MGAT5: variants seen among roughly 807,000 people sequenced by gnomAD.
MGAT5 encodes the protein alpha-1,6-mannosylglycoprotein 6-beta-N-acetylglucosaminyltransferase A.
A neutral mutation model predicts 94.3 loss-of-function variants in MGAT5; 30 were observed. That is an observed-to-expected ratio of 0.32 (90% confidence interval 0.24 to 0.43). The LOEUF (loss-of-function observed/expected upper bound fraction) is 0.43. MGAT5 is among the 20% of genes least tolerant of loss of function. The pLI, the probability that MGAT5 is intolerant of heterozygous loss-of-function variation, is 1.00. For missense variants in MGAT5, 691 were observed against 905.5 expected (o/e 0.76, Z 3.04); for synonymous variants, 310 against 322.9 (o/e 0.96, Z 0.43).
At chr2:134,218,375 C>T (rs1409516498) in intron 1 of MGAT5, among the ~76,000 whole-genome samples, 1 of 152,206 alleles carries the variant, frequency 6.6e-6, no homozygotes, top group East Asian at 1.9e-4. Context: ...AACTTAATGG[C>T]TTAAAACAGT....
chr2:134,385,503 T>C (rs1366257371), intron 10 of MGAT5, among the ~76,000 whole-genome samples: 1 of 152,216 alleles, frequency 6.6e-6, no homozygotes, highest in East Asian at 1.9e-4. Flanking sequence ...TAATCCTTCT[T>C]GTGCCATCAA....
chr2:134,387,267 AAAAAAT>A (rs996693391), intron 10 of MGAT5, among the ~76,000 whole-genome samples: 6 of 143,936 alleles, frequency 4.2e-5, no homozygotes, highest in Admixed American at 1.4e-4. Flanking sequence ...TCTCAAAAAT[AAAAAAT>A]AAAAATAAAA....
intron 5 of MGAT5, among the ~76,000 whole-genome samples, chr2:134,336,693 G>A (rs898152264): frequency 1.3e-5 from 2 of 152,084 alleles, no homozygotes; most frequent in Non-Finnish European, 1.5e-5. Flanking sequence ...CATTGGGGCC[G>A]AATTTAAATG....
chr2:134,260,068 A>G (rs1418252031), intron 1 of MGAT5, among the ~76,000 whole-genome samples: 1 of 142,740 alleles, frequency 7.0e-6, no homozygotes, highest in East Asian at 2.3e-4. Flanking sequence ...GGCGTATGCT[A>G]GGTCCTAAGG....
chr2:134,208,158 G>A (rs1161807601), intron 1 of MGAT5, among the ~76,000 whole-genome samples: 1 of 150,634 alleles, frequency 6.6e-6, no homozygotes, highest in African/African-American at 2.5e-5. Flanking sequence ...TTTTTTTTAA[G>A]CAGACCAGTA....
At chr2:134,443,349 G>C (rs1241274906) in intron 15 of MGAT5, among the ~76,000 whole-genome samples, 1 of 152,108 alleles carries the variant, frequency 6.6e-6, no homozygotes, top group Non-Finnish European at 1.5e-5. Context: ...ACGCCACCAT[G>C]CCCAGCTAAC....
chr2:134,189,164 A>G (rs1257172), intron 1 of MGAT5, among the ~76,000 whole-genome samples: 128,368 of 152,158 alleles, frequency 0.84, 54,395 homozygotes, highest in African/African-American at 0.91. Context: ...GTACAACCAC[A>G]TGGCCAATGA....
intron 1 of MGAT5, among the ~76,000 whole-genome samples, chr2:134,124,578 T>C (rs1376115729): frequency 1.3e-5 from 2 of 152,206 alleles, no homozygotes; most frequent in African/African-American, 4.8e-5. Context: ...GCACTCTCTC[T>C]TTGTCACCTT....
chr2:134,248,232 T>A (rs764277968), intron 1 of MGAT5, among the ~76,000 whole-genome samples: 3 of 152,208 alleles, frequency 2.0e-5, no homozygotes, highest in Admixed American at 1.3e-4. Context: ...TTTCTTCACC[T>A]CATTTCCACC....
At chr2:134,131,865 G>A (rs115146494) in intron 1 of MGAT5, among the ~76,000 whole-genome samples, 309 of 152,274 alleles carry the variant, frequency 2.0e-3, no homozygotes, top group African/African-American at 7.1e-3. Flanking sequence ...ATGAGATCGT[G>A]CCCAGGCTAG....
chr2:134,351,736 A>T lies in MGAT5; in HGVS notation c.1246+1798A>T, dbSNP rs902934626. ...AAATTGATATGCTTGACTATATTTT[A>T]AAAAAAGAAGAACCTGTATGGCAAA... On this transcript the variant is annotated intron_variant, in intron 9 of 15. Transcript: ENST00000281923. Among the ~76,000 whole-genome samples the T allele has an allele frequency of 2.6e-5, 4 of 152,278 alleles. No homozygotes were observed. In the East Asian group the frequency reaches 7.7e-4, roughly 29 times the overall value.
chr2:134,284,586 C>CAAAA, intron 2 of MGAT5, among the ~76,000 whole-genome samples: 1 of 143,560 alleles, frequency 7.0e-6, no homozygotes, highest in Admixed American at 7.0e-5. Context: ...TAAAATAGAG[C>CAAAA]AAAAAAAAAA....
chr2:134,357,966 A>G (rs1679853859), intron 9 of MGAT5, among the ~76,000 whole-genome samples: 1 of 152,092 alleles, frequency 6.6e-6, no homozygotes, highest in Admixed American at 6.6e-5. Context: ...TGACATAACT[A>G]TTTTTCAATG....
rs759218169 is a variant in MGAT5, at chr2:134,317,567, C to T, written c.445C>T (p.Pro149Ser). ...AGCTCAAGAAAAATGTGTATTGCCT[C>T]CTATGGACGGCTACCCTCACTGTGA... ...NGAQEKCVLP[P>S]MDGYPHCEGK... Residue 149 changes from proline (P) to serine (S), a missense_variant, in exon 3 of 16, where the codon CCT becomes TCT. Transcript: ENST00000281923. The T allele has an allele frequency of 1.3e-6, 2 of 1,570,828 alleles. No homozygotes were observed. Among genetic ancestry groups the T allele is most frequent in the African/African-American group, 2.8e-5 (2 of 72,494 alleles).
intron 1 of MGAT5, among the ~76,000 whole-genome samples, chr2:134,187,632 T>C (rs1013575490): frequency 2.0e-5 from 3 of 152,238 alleles, no homozygotes; most frequent in African/African-American, 7.2e-5. Flanking sequence ...TTCTGGCATG[T>C]AAGTGTCATG....
At chr2:134,377,225 T>C (rs1681240631) in intron 10 of MGAT5, among the ~76,000 whole-genome samples, 1 of 152,244 alleles carries the variant, frequency 6.6e-6, no homozygotes, top group African/African-American at 2.4e-5. Context: ...CTTCACTGGA[T>C]GTCTGCAAAG....
intron 1 of MGAT5, among the ~76,000 whole-genome samples, chr2:134,128,245 GAAAGA>G (rs1263396582): frequency 2.0e-5 from 3 of 151,560 alleles, no homozygotes; most frequent in Admixed American, 6.6e-5. Flanking sequence ...AGGAGAGAAT[GAAAGA>G]AAAGAAAAAG....
At chr2:134,390,960 G>A (rs1682365626) in intron 10 of MGAT5, among the ~76,000 whole-genome samples, 4 of 151,972 alleles carry the variant, frequency 2.6e-5, no homozygotes, top group Admixed American at 2.6e-4. Flanking sequence ...TCTTGTTTCA[G>A]ACCCTAAAGG....
intron 4 of MGAT5, among the ~76,000 whole-genome samples, chr2:134,324,530 G>A (rs555453986): frequency 2.8e-4 from 42 of 152,070 alleles, no homozygotes; most frequent in Non-Finnish European, 5.0e-4. Flanking sequence ...TAAGATTAAT[G>A]CCCAACAGGA....
Sources: gnomAD v4.1 joint callset for allele counts (sites outside exome capture counted in the v4.1 genomes callset) on GRCh38, gnomAD v4.1.1 for gene constraint, MANE v1.5 for transcripts, NCBI Gene and HGNC (gene_info 2026-07-23, HGNC 2026-07-21) for gene names.